BDP1: variants seen among roughly 807,000 people sequenced by gnomAD.
BDP1 encodes BDP1 general transcription factor IIIB subunit.
BDP1 carries 169 observed loss-of-function variants against 266.6 expected under a neutral mutation model. The ratio of observed to expected loss-of-function variants is 0.63; its 90% CI spans 0.56 to 0.72. The LOEUF is 0.72. BDP1 is among the 30% of genes least tolerant of loss of function. The probability of loss-of-function intolerance (pLI) is 0.00; values close to 1 mark genes in which losing one functional copy is unlikely to be tolerated. For synonymous variants in BDP1, 1,090 were observed against 1,022.4 expected (o/e 1.07, Z -1.26); for missense variants, 3,015 against 3,053.8 (o/e 0.99, Z 0.30).
chr5:71,544,396 AT>A lies in BDP1; in HGVS notation c.6453del (p.Asn2151LysfsTer33), dbSNP rs1742102971. ...KNASKATELE[N>X]KNLGPVTTAE... ...GCTTCCAAAGCAACAGAATTGGAAA[AT>A]AAAAACCTCGGACCAGTTACAACAG... is the stretch of plus-strand genomic sequence containing the variant. On this transcript the variant is annotated frameshift_variant, in exon 31 of 39. Transcript: ENST00000358731. LOFTEE classifies it high-confidence loss of function. The A allele has an allele frequency of 6.2e-7, 1 of 1,613,336 alleles. No individual in the cohort carries two copies. Among genetic ancestry groups the A allele is most frequent in the Non-Finnish European group, 8.5e-7 (1 of 1,179,832 alleles).
At position 71,473,028 on chromosome 5, in the gene BDP1, A is replaced by G. The variant is rs1762358232; in HGVS notation, c.1014+2539A>G. ...CTCCTGAGTAGTTGGGACTACGGGC[A>G]CGTGCCACAATGCCCGGCTAATTTT... On this transcript the variant is annotated intron_variant, in intron 7 of 38. Coordinates refer to ENST00000358731, the MANE Select transcript of BDP1 (RefSeq NM_018429.3). 2.0e-5 allele frequency among the ~76,000 whole-genome samples: 3 copies of G among 150,372 alleles called. No individual in the cohort carries two copies. The Middle Eastern group carries it at 0.01, about 519-fold the overall frequency.
chr5:71,467,208 T>G, intron 5 of BDP1, 146 bp from the exon 6 acceptor site: 1 of 653,334 alleles, frequency 1.5e-6, no homozygotes. Context: ...AGCAGATGCT[T>G]GGAAAATACC....
At chr5:71,504,017 A>C (rs932399743) in intron 15 of BDP1, among the ~76,000 whole-genome samples, 2 of 152,078 alleles carry the variant, frequency 1.3e-5, no homozygotes, top group Admixed American at 1.3e-4. Context: ...TCATGCCTGT[A>C]ATCCTAGCAC....
Position 71,497,436 on chromosome 5 carries a change from A to G in BDP1, c.1956+10A>G. 1.3e-6 allele frequency: 2 copies of G among 1,570,520 alleles called. No homozygotes were observed. Among genetic ancestry groups the G allele is most frequent in the Non-Finnish European group, 1.7e-6 (2 of 1,161,778 alleles). ...AACTTCAGTTGAAAAGGTATGGGGT[A>G]AGAGATTTCATGGAAATTAAAATTA... is the stretch of plus-strand genomic sequence containing the variant. On this transcript the variant is annotated intron_variant, in intron 13 of 38. Transcript: ENST00000358731.
intron 37 of BDP1, among the ~76,000 whole-genome samples, chr5:71,560,834 G>C (rs1225652571): frequency 1.3e-5 from 2 of 152,222 alleles, no homozygotes; most frequent in Non-Finnish European, 2.9e-5. Flanking sequence ...AGGGGAAGGG[G>C]TTGGGGAAAG....
intron 10 of BDP1, among the ~76,000 whole-genome samples, 159 bp downstream of exon 10, chr5:71,489,841 A>T (rs552481680): frequency 5.3e-5 from 8 of 152,276 alleles, no homozygotes; most frequent in South Asian, 2.1e-4. Flanking sequence ...ATTTTTAATT[A>T]AAAAAGTTTA....
chr5:71,460,209 G>A (rs1309934506), intron 2 of BDP1, among the ~76,000 whole-genome samples: 2 of 152,090 alleles, frequency 1.3e-5, no homozygotes, highest in Non-Finnish European at 1.5e-5. Context: ...GTGAAACCCC[G>A]TCTCTACTAA....
At chr5:71,463,953 T>G (rs1761729927) in intron 3 of BDP1, 105 bp from the exon 4 acceptor site, 1 of 667,710 alleles carries the variant, frequency 1.5e-6, no homozygotes, top group East Asian at 2.9e-5. Context: ...CTGTGATATA[T>G]CATTAAAAAT....
At chr5:71,552,263 G>A (rs1446069309) in intron 34 of BDP1, among the ~76,000 whole-genome samples, 1 of 151,876 alleles carries the variant, frequency 6.6e-6, no homozygotes, top group Non-Finnish European at 1.5e-5. Flanking sequence ...CAGATGATGG[G>A]CGGCCGGGCA....
intron 7 of BDP1, among the ~76,000 whole-genome samples, chr5:71,475,107 CAG>C (rs1762503349): frequency 2.0e-5 from 3 of 151,694 alleles, no homozygotes; most frequent in African/African-American, 7.2e-5. Context: ...TTTTTTGAGA[CAG>C]AGCCTCGCTC....
chr5:71,511,577 G>T (rs1764922943), intron 17 of BDP1, among the ~76,000 whole-genome samples: 1 of 152,154 alleles, frequency 6.6e-6, no homozygotes, highest in African/African-American at 2.4e-5. Context: ...AACCCTGGAG[G>T]TTGAGGCTGC....
chr5:71,457,275 C>CT (rs1279565900), intron 1 of BDP1, among the ~76,000 whole-genome samples: 27 of 118,126 alleles, frequency 2.3e-4, no homozygotes, highest in East Asian at 4.8e-4. Context: ...TTTTTAGTCA[C>CT]TTTTTTTGCC....
the BDP1 span, among the ~76,000 whole-genome samples, chr5:71,575,673 G>A: frequency 5.3e-5 from 8 of 152,136 alleles, no homozygotes; most frequent in African/African-American, 9.7e-5. Context: ...ACATGAGAAG[G>A]ATAAGCCTCA....
In BDP1 at chr5:71,555,522, C is replaced by T. The variant is rs562951486; in HGVS notation, c.7201-1364C>T. On this transcript the variant is annotated intron_variant, in intron 35 of 38. Transcript: ENST00000358731. ...TAGCGTGATCTCAGCTCACTGCAAC[C>T]TCCACCTCCCAGATTCAAGTGATTC... 2.6e-5 allele frequency among the ~76,000 whole-genome samples: 4 copies of T among 151,844 alleles called. No homozygotes were observed. The South Asian group carries it at 8.3e-4, about 32-fold the overall frequency.
intron 25 of BDP1, among the ~76,000 whole-genome samples, chr5:71,528,968 G>A (rs1766069687): frequency 6.6e-6 from 1 of 152,158 alleles, no homozygotes; most frequent in African/African-American, 2.4e-5. Context: ...CTGTATCCCT[G>A]AATTAATACA....
In BDP1 at chr5:71,483,855, G is replaced by A. The variant is rs1346398913; in HGVS notation, c.1028G>A (p.Arg343Gln). ...ARIEIKNKFK[R>Q]EEKTNGWRID... is the part of the protein sequence containing the mutation. ...TGTTGTTAACAGAATAAATTTAAACGGGAAGAGAAAACAAATGGATGGAGA... is the reference window on the plus strand; with the variant it reads ...TGTTGTTAACAGAATAAATTTAAACAGGAAGAGAAAACAAATGGATGGAGA... Residue 343 changes from arginine to glutamine, a missense_variant, in exon 8 of 39, where the codon CGG (arginine) becomes CAG (glutamine). Around this residue, in one of 3 missense-constraint regions of BDP1, gnomAD observed 2,383 missense variants for 2,404.9 expected, o/e 0.99. Coordinates refer to ENST00000358731, the MANE Select transcript of BDP1 (RefSeq NM_018429.3). 6.2e-6 allele frequency: 10 copies of A among 1,610,356 alleles called. No individual in the cohort carries two copies. The highest frequency in any genetic ancestry group is 3.3e-5 in the South Asian group (3 of 90,838).
chr5:71,569,616 C>T (rs1161782164), downstream of BDP1, among the ~76,000 whole-genome samples: 1 of 147,690 alleles, frequency 6.8e-6, no homozygotes, highest in Admixed American at 6.7e-5. Flanking sequence ...TGTGCTAGCA[C>T]GCGCCTGTGG....
In BDP1 at chr5:71,564,978, G is replaced by T. The variant is rs1433560326; in HGVS notation, c.*93G>T. 3 of 1,176,956 alleles carry T rather than the reference G, an allele frequency of 2.5e-6. No individual in the cohort carries two copies. Among genetic ancestry groups the T allele is most frequent in the East Asian group, 2.5e-5 (1 of 40,332 alleles). The allele number at this position is 1,176,956 out of a possible 1,614,324, so 72.9% of individuals were successfully genotyped here. On this transcript the variant is annotated 3_prime_UTR_variant, in exon 39 of 39. Coordinates refer to ENST00000358731, the MANE Select transcript of BDP1 (RefSeq NM_018429.3). ...ACAGTATTTAGAGCAAAATATCACTGTCTTATTTTTCTTTAGGTTGATTTT... is the reference window on the plus strand; with the variant it reads ...ACAGTATTTAGAGCAAAATATCACTTTCTTATTTTTCTTTAGGTTGATTTT...
intron 16 of BDP1, among the ~76,000 whole-genome samples, chr5:71,506,758 T>TTATA (rs67179518): frequency 0.029 from 3,984 of 135,766 alleles, 110 homozygotes; most frequent in African/African-American, 0.063. Flanking sequence ...GTTTGGAGGT[T>TTATA]TATATATATA....
Sources: allele counts gnomAD v4.1 joint callset (sites outside exome capture counted in the v4.1 genomes callset), GRCh38; gene constraint gnomAD v4.1.1; regional missense constraint gnomAD v4.1.1; transcripts MANE v1.5; gene names NCBI Gene and HGNC (gene_info 2026-07-23, HGNC 2026-07-21).